ERC2: variants seen among roughly 807,000 people sequenced by gnomAD.
ERC2 encodes the protein ELKS/RAB6-interacting/CAST family member 2.
ERC2 carries 42 observed loss-of-function variants against 114.8 expected under a neutral mutation model. That is an observed-to-expected ratio of 0.37 (90% CI 0.29 to 0.47). The LOEUF is 0.47. Ranked by LOEUF, ERC2 falls within the 20% of genes least tolerant of loss-of-function variation. ERC2 has a pLI of 0.99. For missense variants in ERC2, 939 were observed against 1,150.7 expected (o/e 0.82, Z 2.66); for synonymous variants, 454 against 425.5 (o/e 1.07, Z -0.82).
intron 17 of ERC2, among the ~76,000 whole-genome samples, chr3:55,572,055 G>C (rs1434122061): frequency 2.6e-5 from 4 of 152,360 alleles, no homozygotes; most frequent in African/African-American, 9.6e-5. Context: ...GTGCAGCCCA[G>C]GAAGGCAAGA....
chr3:56,143,065 A>C (rs747704878), intron 5 of ERC2, among the ~76,000 whole-genome samples: 4 of 152,168 alleles, frequency 2.6e-5, no homozygotes, highest in Non-Finnish European at 5.9e-5. Context: ...CTTGGCTCAA[A>C]GCTTTAAAAC....
rs113138954 is a variant in ERC2, at chr3:55,549,950, G to GAGATAC, written c.*40-38675_*40-38674insGTATCT. ...CACACAAGAGAGAGAGAGAGAGAGA[G>GAGATAC]AGAGAGAGACAGAGAGAGAGAGAGA... On this transcript the variant is annotated intron_variant, in intron 17 of 17. Transcript: ENST00000288221. Among the ~76,000 whole-genome samples, 1,182 of 141,904 alleles carry GAGATAC rather than the reference G, an allele frequency of 8.3e-3. 17 individuals are homozygous for GAGATAC. Among genetic ancestry groups the GAGATAC allele is most frequent in the African/African-American group, 0.024 (924 of 38,660 alleles). The allele number at this position is 141,904 out of a possible 152,430, so 93.1% of individuals were successfully genotyped here. A position where few individuals can be genotyped will look rare whatever the true frequency, so the allele number is the denominator to read the frequency against.
intron 4 of ERC2, among the ~76,000 whole-genome samples, chr3:56,170,833 C>T (rs984170715): frequency 6.8e-4 from 101 of 148,824 alleles, no homozygotes; most frequent in Admixed American, 2.2e-3. Context: ...GGCACGATCT[C>T]GACTCACTGC....
At chr3:55,537,592 C>G (rs1426849678) in intron 17 of ERC2, among the ~76,000 whole-genome samples, 2 of 152,222 alleles carry the variant, frequency 1.3e-5, no homozygotes, top group African/African-American at 4.8e-5. Flanking sequence ...TTAAAAAGCT[C>G]TCCCCGCTTA....
At chr3:56,036,429 G>A (rs2074806367) in intron 7 of ERC2, among the ~76,000 whole-genome samples, 1 of 152,168 alleles carries the variant, frequency 6.6e-6, no homozygotes, top group Non-Finnish European at 1.5e-5. Flanking sequence ...GAGTAAAATT[G>A]CATCTGTTTG....
At chr3:56,015,434 T>A (rs2073239267) in intron 8 of ERC2, among the ~76,000 whole-genome samples, 1 of 149,514 alleles carries the variant, frequency 6.7e-6, no homozygotes, top group Non-Finnish European at 1.5e-5. Context: ...ATTGCTCAGC[T>A]CCCACTTATA....
At chr3:55,630,537 GGGAGATTACACTGGTACTTTTT>G (rs2148625195) in intron 17 of ERC2, among the ~76,000 whole-genome samples, 1 of 152,266 alleles carries the variant, frequency 6.6e-6, no homozygotes, top group East Asian at 1.9e-4. Flanking sequence ...GGGGAGAAAG[GGGAGATTACACTGGTACTTTTT>G]GCAGATTATA....
chr3:55,601,610 G>C (rs999187551), intron 17 of ERC2, among the ~76,000 whole-genome samples: 4 of 152,286 alleles, frequency 2.6e-5, no homozygotes, highest in African/African-American at 9.6e-5. Flanking sequence ...CTGCCCCTCT[G>C]AAGAGAAGCA....
chr3:56,391,679 T>C (rs193050191), intron 2 of ERC2, among the ~76,000 whole-genome samples: 68 of 152,210 alleles, frequency 4.5e-4, no homozygotes, highest in Non-Finnish European at 6.9e-4. Context: ...GTTTTAATTA[T>C]AGAGGTAGAA....
At chr3:55,614,773 T>C (rs2059056787) in intron 17 of ERC2, among the ~76,000 whole-genome samples, 1 of 152,200 alleles carries the variant, frequency 6.6e-6, no homozygotes, top group Non-Finnish European at 1.5e-5. Context: ...AAGAAAAGAC[T>C]GAGCGGGGAA....
chr3:55,688,257 T>A (rs2062440108), intron 16 of ERC2, among the ~76,000 whole-genome samples: 1 of 152,106 alleles, frequency 6.6e-6, no homozygotes, highest in Non-Finnish European at 1.5e-5. Flanking sequence ...CTCCTCCAGG[T>A]TAGAAAGAGT....
intron 13 of ERC2, among the ~76,000 whole-genome samples, chr3:55,921,738 A>G (rs754547058): frequency 2.0e-5 from 3 of 152,138 alleles, no homozygotes; most frequent in Non-Finnish European, 4.4e-5. Context: ...ATATATGGAG[A>G]GTATTAATTC....
intron 7 of ERC2, among the ~76,000 whole-genome samples, chr3:56,061,305 C>T (rs1176186019): frequency 2.0e-5 from 3 of 152,202 alleles, no homozygotes; most frequent in Non-Finnish European, 4.4e-5. Flanking sequence ...CAATTCAACA[C>T]AGGGATGGTG....
chr3:56,017,741 G>A (rs200900005), intron 8 of ERC2, among the ~76,000 whole-genome samples: 1 of 152,002 alleles, frequency 6.6e-6, no homozygotes, highest in Non-Finnish European at 1.5e-5. Flanking sequence ...TGAAATCCTA[G>A]GAATGTCACG....
At chr3:55,650,237 G>A (rs2060559074) in intron 17 of ERC2, among the ~76,000 whole-genome samples, 1 of 152,134 alleles carries the variant, frequency 6.6e-6, no homozygotes, top group African/African-American at 2.4e-5. Context: ...TATTCATAGA[G>A]CGTTCCCTGC....
At chr3:55,576,939 G>C (rs745426254) in intron 17 of ERC2, among the ~76,000 whole-genome samples, 2 of 152,244 alleles carry the variant, frequency 1.3e-5, no homozygotes, top group African/African-American at 2.4e-5. Context: ...TCTCTGTCCA[G>C]AGGAGAGTCT....
intron 13 of ERC2, among the ~76,000 whole-genome samples, chr3:55,916,085 T>G (rs1431751382): frequency 2.6e-5 from 4 of 152,126 alleles, no homozygotes; most frequent in Admixed American, 2.6e-4. Context: ...AGCCAGGCCA[T>G]TCTGAGAGGA....
intron 14 of ERC2, among the ~76,000 whole-genome samples, chr3:55,782,626 A>G (rs1420810974): frequency 2.0e-5 from 3 of 152,190 alleles, no homozygotes; most frequent in Non-Finnish European, 4.4e-5. Context: ...GAAAATAAAA[A>G]CAAGCAAACA....
At position 55,674,982 on chromosome 3, in the gene ERC2, G is replaced by T. The variant is rs555236119; in HGVS notation, c.*39+8812C>A. Among the ~76,000 whole-genome samples the T allele has an allele frequency of 5.3e-5, 8 of 152,144 alleles. No homozygotes were observed. In the South Asian group the frequency reaches 1.4e-3, roughly 28 times the overall value. ...CCTTATAAAGGCTCAGCATCTCAGTGATTTTGTCACCATGGGAACAACCCT... is the reference window on the plus strand; with the variant it reads ...CCTTATAAAGGCTCAGCATCTCAGTTATTTTGTCACCATGGGAACAACCCT... On this transcript the variant is annotated intron_variant, in intron 17 of 17. Coordinates refer to ENST00000288221, the MANE Select transcript of ERC2 (RefSeq NM_015576.3).
Sources: gnomAD v4.1 joint callset for allele counts (sites outside exome capture counted in the v4.1 genomes callset) on GRCh38, gnomAD v4.1.1 for gene constraint, MANE v1.5 for transcripts, NCBI Gene and HGNC (gene_info 2026-07-23, HGNC 2026-07-21) for gene names.